The following RIT2 variants were observed in gnomAD, a reference collection of about 807,000 sequenced individuals.
The protein encoded by RIT2 is Ras like without CAAX 2, also known as GTP-binding protein Rit2.
A neutral mutation model predicts 23.7 loss-of-function variants in RIT2; 24 were observed. The observed-to-expected ratio is 1.01, with a 90% confidence interval of 0.73 to 1.43. RIT2 has a LOEUF of 1.43. Among genes scored for constraint, RIT2 ranks in the 40% most tolerant of loss-of-function variants. RIT2 has a pLI of 0.00. For synonymous variants in RIT2, 107 were observed against 91.1 expected (o/e 1.17, Z -0.99); for missense variants, 236 against 266.9 (o/e 0.88, Z 0.81).
chr18:42,795,429 G>A (rs1019757731), intron 4 of RIT2, among the ~76,000 whole-genome samples: 5 of 152,344 alleles, frequency 3.3e-5, no homozygotes, highest in African/African-American at 4.8e-5. Flanking sequence ...GCCCACTGGC[G>A]CTGCTCTCGA....
chr18:42,882,549 T>C (rs1399981189), intron 4 of RIT2, among the ~76,000 whole-genome samples: 1 of 152,202 alleles, frequency 6.6e-6, no homozygotes, highest in Non-Finnish European at 1.5e-5. Flanking sequence ...CTGGTGAAAA[T>C]GACTGGGTAA....
At chr18:43,069,089 AT>A (rs1912840786) in intron 1 of RIT2, among the ~76,000 whole-genome samples, 1 of 152,194 alleles carries the variant, frequency 6.6e-6, no homozygotes, top group Non-Finnish European at 1.5e-5. Flanking sequence ...GAACAGAAGC[AT>A]TCTTTATTTT....
Position 42,821,599 on chromosome 18 carries a change from G to A in RIT2, c.427-77879C>T, listed in dbSNP as rs9304286. The stretch of plus-strand genomic sequence containing the variant: ...TCTAGTGAGTAGAAGGCACGGAGCC[G>A]TAGACATCCCGCAATGCACAGGTAG... On this transcript the variant is annotated intron_variant, in intron 4 of 4. Coordinates refer to ENST00000326695, the MANE Select transcript of RIT2 (RefSeq NM_002930.4). Among the ~76,000 whole-genome samples, 410 of 152,162 alleles carry A rather than the reference G, an allele frequency of 2.7e-3. 2 individuals are homozygous for A. The highest frequency in any genetic ancestry group is 9.4e-3 in the African/African-American group (392 of 41,526).
chr18:42,993,599 CTCCT>C, intron 2 of RIT2, among the ~76,000 whole-genome samples: 1 of 152,214 alleles, frequency 6.6e-6, no homozygotes, highest in Middle Eastern at 3.4e-3. Flanking sequence ...CTTTTAAGTA[CTCCT>C]TTTTAGTTAT....
At chr18:43,115,299 C>G in intron 1 of RIT2, 118 bp downstream of exon 1, 1 of 1,294,070 alleles carries the variant, frequency 7.7e-7, no homozygotes, top group Non-Finnish European at 1.1e-6. Flanking sequence ...GACCCATACT[C>G]TGTGTTTAAC....
At chr18:42,947,443 G>T (rs977508032) in intron 3 of RIT2, among the ~76,000 whole-genome samples, 1 of 151,994 alleles carries the variant, frequency 6.6e-6, no homozygotes, top group African/African-American at 2.4e-5. Context: ...TTAAGAAAAT[G>T]GAATTGAGTT....
intron 4 of RIT2, among the ~76,000 whole-genome samples, chr18:42,820,702 C>T (rs568929765): frequency 6.6e-6 from 1 of 152,262 alleles, no homozygotes; most frequent in South Asian, 2.1e-4. Context: ...TTTATCCTTT[C>T]AGGTCTGGAG....
At chr18:42,868,653 A>T (rs1442702948) in intron 4 of RIT2, among the ~76,000 whole-genome samples, 1 of 152,248 alleles carries the variant, frequency 6.6e-6, no homozygotes, top group African/African-American at 2.4e-5. Context: ...GGTGGAATAT[A>T]CATGAGACTC....
At chr18:42,958,297 G>A (rs912826927) in intron 3 of RIT2, among the ~76,000 whole-genome samples, 1 of 152,124 alleles carries the variant, frequency 6.6e-6, no homozygotes, top group African/African-American at 2.4e-5. Flanking sequence ...GTAGGGTCTT[G>A]ATCTGTTATG....
chr18:42,839,194 C>T (rs1906697202), intron 4 of RIT2, among the ~76,000 whole-genome samples: 1 of 152,076 alleles, frequency 6.6e-6, no homozygotes, highest in Non-Finnish European at 1.5e-5. Context: ...TTCAGCTGAC[C>T]TCCATTAGAG....
At chr18:42,914,546 AC>A (rs1908852704) in intron 4 of RIT2, among the ~76,000 whole-genome samples, 1 of 152,082 alleles carries the variant, frequency 6.6e-6, no homozygotes, top group African/African-American at 2.4e-5. Context: ...ATGCATGTTA[AC>A]TCATTTCATT....
chr18:42,964,044 A>G (rs1375277795), intron 3 of RIT2, among the ~76,000 whole-genome samples: 1 of 151,956 alleles, frequency 6.6e-6, no homozygotes, highest in African/African-American at 2.4e-5. Context: ...ACAAAAAATT[A>G]GCTGGGCGCG....
chr18:43,088,786 C>G (rs1457873904), intron 1 of RIT2, among the ~76,000 whole-genome samples: 1 of 152,020 alleles, frequency 6.6e-6, no homozygotes, highest in Non-Finnish European at 1.5e-5. Flanking sequence ...AGCTACCAAC[C>G]AAGGGGGACC....
chr18:43,055,243 C>A (rs775482120), intron 1 of RIT2, among the ~76,000 whole-genome samples: 24 of 152,108 alleles, frequency 1.6e-4, no homozygotes, highest in Non-Finnish European at 2.8e-4. Context: ...CATATTCTTA[C>A]GAAGAAAAGC....
Position 42,918,347 on chromosome 18 carries a change from A to G in RIT2, c.426+5225T>C, listed in dbSNP as rs535900470. Among the ~76,000 whole-genome samples, 5 of 152,150 alleles carry G rather than the reference A, an allele frequency of 3.3e-5. No individual in the cohort carries two copies. In the South Asian group the frequency reaches 6.2e-4, roughly 19 times the overall value. ...TTGTTTTGTTTTGTTTTCTGTCTCA[A>G]TTGGAGTTAATACATTCACATTTAT... On this transcript the variant is annotated intron_variant, in intron 4 of 4. Coordinates refer to ENST00000326695, the MANE Select transcript of RIT2 (RefSeq NM_002930.4).
chr18:43,066,111 A>G (rs1000302193), intron 1 of RIT2, among the ~76,000 whole-genome samples: 13 of 152,294 alleles, frequency 8.5e-5, no homozygotes, highest in Non-Finnish European at 1.5e-4. Context: ...TCTATGAATT[A>G]AAATCTGGAA....
intron 3 of RIT2, among the ~76,000 whole-genome samples, chr18:42,942,872 C>T (rs1216211580): frequency 6.6e-6 from 1 of 152,142 alleles, no homozygotes. Context: ...GATAGGAAAG[C>T]ACCCGTCAAG....
At position 42,793,133 on chromosome 18, in the gene RIT2, G is replaced by A. The variant is rs1002687449; in HGVS notation, c.427-49413C>T. ...ACTACTTCTTAAAATGGTTTGAATG[G>A]ACTCTAATATAAGACCTGCTAGTAG... On this transcript the variant is annotated intron_variant, in intron 4 of 4. Coordinates refer to ENST00000326695, the MANE Select transcript of RIT2 (RefSeq NM_002930.4). 5.3e-5 allele frequency among the ~76,000 whole-genome samples: 8 copies of A among 152,220 alleles called. No individual in the cohort carries two copies. In the East Asian group the frequency reaches 9.6e-4, roughly 18 times the overall value.
chr18:42,910,666 G>A (rs1033142822), intron 4 of RIT2, among the ~76,000 whole-genome samples: 3 of 152,112 alleles, frequency 2.0e-5, no homozygotes, highest in African/African-American at 7.2e-5. Context: ...GAGTTCAGCT[G>A]GGGATAGTTG....
Sources: allele counts gnomAD v4.1 joint callset (sites outside exome capture counted in the v4.1 genomes callset), GRCh38; gene constraint gnomAD v4.1.1; transcripts MANE v1.5; gene names NCBI Gene and HGNC (gene_info 2026-07-23, HGNC 2026-07-21).